The following RNLS variants were observed in gnomAD, a reference collection of about 807,000 sequenced individuals.
RNLS encodes renalase, FAD dependent amine oxidase, also known as renalase.
Under a neutral mutation model 39.8 loss-of-function variants are expected in RNLS, and 39 were observed. The ratio of observed to expected loss-of-function variants is 0.98; its 90% CI spans 0.76 to 1.28. The LOEUF is 1.28. Ranked by LOEUF, RNLS falls within the 50% of genes most tolerant of loss-of-function variation. The pLI, the probability that RNLS is intolerant of heterozygous loss-of-function variation, is 0.00. For synonymous variants in RNLS, 147 were observed against 150.7 expected (o/e 0.98, Z 0.18); for missense variants, 410 against 413.3 (o/e 0.99, Z 0.07).
rs769969163 is a variant in RNLS at position 88,324,371 on chromosome 10, G to C, written c.701-9730C>G. On this transcript the variant is annotated intron_variant, in intron 5 of 6. Coordinates refer to ENST00000331772, the MANE Select transcript of RNLS (RefSeq NM_001031709.3). ...TTGTGAACTGGATAAAGAAAATGTGGTATACATACACCACAGAATACTATG... is the reference window on the plus strand; with the variant it reads ...TTGTGAACTGGATAAAGAAAATGTGCTATACATACACCACAGAATACTATG... 2.1e-5 allele frequency among the ~76,000 whole-genome samples: 3 copies of C among 146,196 alleles called. No individual in the cohort carries two copies. The Admixed American group carries it at 2.1e-4, about 10-fold the overall frequency.
chr10:88,258,228 A>G, the RNLS span, among the ~76,000 whole-genome samples: 1 of 152,228 alleles, frequency 6.6e-6, no homozygotes, highest in East Asian at 1.9e-4. Context: ...CTTTATAAAT[A>G]TTGTGACTGA....
the RNLS span, among the ~76,000 whole-genome samples, chr10:88,262,738 C>T: frequency 1.3e-5 from 2 of 152,150 alleles, no homozygotes; most frequent in Admixed American, 1.3e-4. Flanking sequence ...CAAGGTCTCC[C>T]GTGTCTCAGA....
chr10:88,180,454 A>G, the RNLS span, among the ~76,000 whole-genome samples: 1 of 152,214 alleles, frequency 6.6e-6, no homozygotes, highest in African/African-American at 2.4e-5. Context: ...GTTCAGTCCC[A>G]TGAGAGTGAG....
intron 5 of RNLS, among the ~76,000 whole-genome samples, chr10:88,351,406 G>A (rs545873337): frequency 4.6e-5 from 7 of 152,068 alleles, no homozygotes; most frequent in Non-Finnish European, 8.8e-5. Context: ...TAATTTTTGT[G>A]TACGGTGTAA....
intron 3 of RNLS, among the ~76,000 whole-genome samples, chr10:88,579,648 G>A (rs1215816911): frequency 6.6e-6 from 1 of 152,104 alleles, no homozygotes; most frequent in Non-Finnish European, 1.5e-5. Context: ...CCTGGGTCAG[G>A]GGAAAATCAT....
At chr10:88,174,788 G>A in the RNLS span, among the ~76,000 whole-genome samples, 2 of 152,116 alleles carry the variant, frequency 1.3e-5, no homozygotes, top group South Asian at 4.1e-4. Context: ...TAATTAGAAA[G>A]AATTCCCTCC....
the RNLS span, among the ~76,000 whole-genome samples, chr10:88,188,655 C>A: frequency 1.3e-5 from 2 of 152,290 alleles, no homozygotes; most frequent in East Asian, 3.9e-4. Flanking sequence ...AATTTGTATG[C>A]TCTTTTGGGT....
At chr10:88,277,002 T>C (rs763931618) in intron 6 of RNLS, among the ~76,000 whole-genome samples, 2 of 152,212 alleles carry the variant, frequency 1.3e-5, no homozygotes, top group Non-Finnish European at 2.9e-5. Flanking sequence ...TTATAAACCA[T>C]GCTACTATAA....
chr10:88,294,518 C>T (rs1291399182), intron 6 of RNLS, among the ~76,000 whole-genome samples: 2 of 152,050 alleles, frequency 1.3e-5, no homozygotes, highest in Non-Finnish European at 2.9e-5. Flanking sequence ...CCTGCTTCTA[C>T]TAGGGGTGTA....
chr10:88,572,052 G>T (rs1165688499), intron 4 of RNLS, among the ~76,000 whole-genome samples: 1 of 152,032 alleles, frequency 6.6e-6, no homozygotes, highest in Non-Finnish European at 1.5e-5. Flanking sequence ...GGAACCCTCA[G>T]GAATCACGAA....
In RNLS at chr10:88,459,103, C is replaced by CTT. The variant is rs34868471; in HGVS notation, c.527-96380_527-96379dup. Among the ~76,000 whole-genome samples, 17 of 145,298 alleles carry CTT rather than the reference C, an allele frequency of 1.2e-4. No homozygotes were observed. The South Asian group carries it at 3.7e-3, about 32-fold the overall frequency. On this transcript the variant is annotated intron_variant, in intron 4 of 6. Transcript: ENST00000331772. ...GGAGCTTTCTAGCTTTTTCTTTTTT[C>CTT]TTTTTTTTTTTTTTGATGGTAAAGA...
intron 4 of RNLS, among the ~76,000 whole-genome samples, chr10:88,477,472 G>A (rs1454982687): frequency 6.6e-6 from 1 of 152,088 alleles, no homozygotes; most frequent in East Asian, 1.9e-4. Flanking sequence ...ATGACAATGG[G>A]GAAGAGGATG....
At chr10:88,449,113 C>T (rs530064122) in intron 4 of RNLS, among the ~76,000 whole-genome samples, 4 of 152,248 alleles carry the variant, frequency 2.6e-5, no homozygotes, top group South Asian at 2.1e-4. Flanking sequence ...CAAACCTGCA[C>T]GTTGTGCACA....
intron 4 of RNLS, among the ~76,000 whole-genome samples, chr10:88,517,936 C>G (rs928911898): frequency 1.3e-5 from 2 of 151,752 alleles, no homozygotes; most frequent in Non-Finnish European, 2.9e-5. Flanking sequence ...CATTAAGATT[C>G]TTTTGTTATA....
intron 4 of RNLS, among the ~76,000 whole-genome samples, chr10:88,443,945 T>A (rs1747037481): frequency 6.6e-6 from 1 of 152,192 alleles, no homozygotes; most frequent in African/African-American, 2.4e-5. Context: ...GACTTAAATG[T>A]CCCTGTCTGA....
intron 4 of RNLS, among the ~76,000 whole-genome samples, chr10:88,566,831 TAAGAG>T (rs1425305630): frequency 6.6e-6 from 1 of 151,968 alleles, no homozygotes; most frequent in African/African-American, 2.4e-5. Flanking sequence ...CTTACCTAAA[TAAGAG>T]AAGAGCTGAA....
At chr10:88,563,315 A>ACAT (rs1358216038) in intron 4 of RNLS, among the ~76,000 whole-genome samples, 1 of 152,208 alleles carries the variant, frequency 6.6e-6, no homozygotes, top group Non-Finnish European at 1.5e-5. Context: ...TTCCATAGGA[A>ACAT]AAGAGTTTAG....
At chr10:88,417,305 T>C (rs144671622) in intron 4 of RNLS, among the ~76,000 whole-genome samples, 1 of 152,080 alleles carries the variant, frequency 6.6e-6, no homozygotes, top group African/African-American at 2.4e-5. Context: ...TTTCACAAAT[T>C]TTTTAAATTT....
intron 4 of RNLS, among the ~76,000 whole-genome samples, chr10:88,540,847 A>T (rs1365170727): frequency 6.6e-6 from 1 of 152,102 alleles, no homozygotes; most frequent in East Asian, 1.9e-4. Flanking sequence ...AGATTAGGCA[A>T]TGTGTATCAT....
Sources: gnomAD v4.1 joint callset for allele counts (sites outside exome capture counted in the v4.1 genomes callset) on GRCh38, gnomAD v4.1.1 for gene constraint, MANE v1.5 for transcripts, NCBI Gene and HGNC (gene_info 2026-07-23, HGNC 2026-07-21) for gene names.